The following RARRES1 variants were observed in gnomAD, a reference collection of about 807,000 sequenced individuals.
The protein encoded by RARRES1 is retinoic acid receptor responder 1, also known as retinoic acid receptor responder protein 1.
A neutral mutation model predicts 30.6 loss-of-function variants in RARRES1; 34 were observed. The observed-to-expected ratio is 1.11, with a 90% CI of 0.84 to 1.48. The LOEUF (loss-of-function observed/expected upper bound fraction) is 1.48. Among genes scored for constraint, RARRES1 ranks in the 40% most tolerant of loss-of-function variants. The pLI is 0.00. For missense variants in RARRES1, 373 were observed against 386.5 expected (o/e 0.97, Z 0.29); for synonymous variants, 153 against 155.5 (o/e 0.98, Z 0.12).
At chr3:158,708,696 G>A (rs180691096) in intron 3 of RARRES1, among the ~76,000 whole-genome samples, 182 of 151,446 alleles carry the variant, frequency 1.2e-3, no homozygotes, top group Admixed American at 1.8e-3. Context: ...ACGGAGTTTC[G>A]CTCTGTTGCC....
At chr3:158,719,313 C>T (rs1727423820) in intron 1 of RARRES1, among the ~76,000 whole-genome samples, 2 of 148,594 alleles carry the variant, frequency 1.3e-5, no homozygotes, top group African/African-American at 5.0e-5. Context: ...ACTCTGTCAC[C>T]CAGGCTGGAG....
chr3:158,717,032 C>T (rs567683363), intron 1 of RARRES1, among the ~76,000 whole-genome samples: 2 of 152,348 alleles, frequency 1.3e-5, no homozygotes, highest in African/African-American at 4.8e-5. Flanking sequence ...GAGCCCCGTG[C>T]TGTTTTGCTC....
At chr3:158,704,993 G>T (rs1726869098) in intron 3 of RARRES1, 66 bp from the exon 4 acceptor site, 2 of 1,564,056 alleles carry the variant, frequency 1.3e-6, no homozygotes, top group Non-Finnish European at 1.7e-6. Context: ...AGAAGTTGCA[G>T]AAATGAAATA....
intron 1 of RARRES1, among the ~76,000 whole-genome samples, chr3:158,729,616 A>G (rs1727806749): frequency 6.6e-6 from 1 of 151,794 alleles, no homozygotes; most frequent in Non-Finnish European, 1.5e-5. Flanking sequence ...TGCCCGGCTA[A>G]TTTCTTTTTG....
chr3:158,709,817 C>G (rs554775255), intron 3 of RARRES1, among the ~76,000 whole-genome samples: 1 of 152,358 alleles, frequency 6.6e-6, no homozygotes, highest in South Asian at 2.1e-4. Context: ...GTCTCAACTG[C>G]TCTCCACACA....
chr3:158,701,213 C>G (rs1451284608), intron 4 of RARRES1, among the ~76,000 whole-genome samples: 1 of 152,078 alleles, frequency 6.6e-6, no homozygotes, highest in Non-Finnish European at 1.5e-5. Context: ...AAGGTACGGG[C>G]TTATCCATTT....
intron 4 of RARRES1, among the ~76,000 whole-genome samples, chr3:158,701,721 C>T (rs189658180): frequency 3.3e-5 from 5 of 152,224 alleles, no homozygotes; most frequent in Admixed American, 3.3e-4. Flanking sequence ...CCTTAGTGGC[C>T]ACTGAATAGC....
chr3:158,715,251 C>G (rs1727287012), intron 1 of RARRES1, among the ~76,000 whole-genome samples: 1 of 152,242 alleles, frequency 6.6e-6, no homozygotes. Context: ...CCCGGCCTTT[C>G]CAGAAACCTG....
In RARRES1 at chr3:158,704,934, G is replaced by C. The variant is rs1236946982; in HGVS notation, c.536-7C>G. 1 of 1,594,970 alleles carries C rather than the reference G, an allele frequency of 6.3e-7. No individual in the cohort carries two copies. The highest frequency in any genetic ancestry group is 1.8e-5 in the Admixed American group (1 of 54,760). ...TCAATATGTCCATGATTATCTGAGAGAGACAAAAAAAGCACATTTGTATTA... is the reference window on the plus strand; with the variant it reads ...TCAATATGTCCATGATTATCTGAGACAGACAAAAAAAGCACATTTGTATTA... On this transcript the variant is annotated splice_region_variant and splice_polypyrimidine_tract_variant and intron_variant, in intron 3 of 5. Transcript: ENST00000237696.
At chr3:158,724,042 G>C (rs1252342049) in intron 1 of RARRES1, among the ~76,000 whole-genome samples, 1 of 152,230 alleles carries the variant, frequency 6.6e-6, no homozygotes, top group Non-Finnish European at 1.5e-5. Flanking sequence ...AGAGTGGAAA[G>C]AAAATTGGCT....
At chr3:158,712,100 C>CG (rs1289598717) in intron 2 of RARRES1, among the ~76,000 whole-genome samples, 1 of 152,192 alleles carries the variant, frequency 6.6e-6, no homozygotes, top group Non-Finnish European at 1.5e-5. Flanking sequence ...CACAGATCAG[C>CG]ACTGGGCCTA....
At chr3:158,730,189 A>G (rs1295878649) in intron 1 of RARRES1, among the ~76,000 whole-genome samples, 1 of 151,398 alleles carries the variant, frequency 6.6e-6, no homozygotes, top group Non-Finnish European at 1.5e-5. Flanking sequence ...GCGTGGTGGC[A>G]CGTGCCTGTA....
intron 1 of RARRES1, among the ~76,000 whole-genome samples, chr3:158,721,983 C>T (rs1047960318): frequency 6.1e-5 from 9 of 148,336 alleles, no homozygotes; most frequent in African/African-American, 2.0e-4. Flanking sequence ...TCCAGCTACT[C>T]GGGAGGCTGA....
At chr3:158,707,127 C>T (rs1490072900) in intron 3 of RARRES1, among the ~76,000 whole-genome samples, 3 of 152,030 alleles carry the variant, frequency 2.0e-5, no homozygotes, top group Non-Finnish European at 1.5e-5. Context: ...CAAGATTGCA[C>T]CACCACACAC....
In RARRES1 at chr3:158,710,854, G is replaced by A; in HGVS notation, c.419C>T (p.Thr140Ile). Residue 140 changes from threonine to isoleucine, a missense_variant, in exon 3 of 6, where the codon ACC becomes ATC. By Grantham distance (89) the Thr-to-Ile change is moderately conservative. Transcript: ENST00000237696. Reference protein sequence around the residue: ...VFFKNQKPRPTINVTCTRLIE... With the variant: ...VFFKNQKPRPIINVTCTRLIE... ...GAGCCGTGTACAAGTTACATTGATGGTTGGTCTGGGTTTCTGATTCTTGAA... is the reference window on the plus strand; with the variant it reads ...GAGCCGTGTACAAGTTACATTGATGATTGGTCTGGGTTTCTGATTCTTGAA... The A allele has an allele frequency of 6.2e-7, 1 of 1,613,600 alleles. No homozygotes were observed. The highest frequency in any genetic ancestry group is 8.5e-7 in the Non-Finnish European group (1 of 1,179,584).
At chr3:158,719,338 C>A (rs1383252963) in intron 1 of RARRES1, among the ~76,000 whole-genome samples, 1 of 148,800 alleles carries the variant, frequency 6.7e-6, no homozygotes, top group Non-Finnish European at 1.5e-5. Context: ...ATGGTGCAAT[C>A]TCAGCTCACT....
chr3:158,725,310 A>G (rs550079308), intron 1 of RARRES1, among the ~76,000 whole-genome samples: 83 of 152,320 alleles, frequency 5.4e-4, no homozygotes, highest in Non-Finnish European at 1.0e-3. Context: ...AGTGTCATAC[A>G]TCTCTGGGGC....
At chr3:158,705,460 A>C (rs912973906) in intron 3 of RARRES1, among the ~76,000 whole-genome samples, 1 of 151,562 alleles carries the variant, frequency 6.6e-6, no homozygotes, top group African/African-American at 2.4e-5. Context: ...TTTTTTTAAG[A>C]GACAGGGTCT....
At chr3:158,709,197 A>G (rs1193622719) in intron 3 of RARRES1, among the ~76,000 whole-genome samples, 1 of 152,192 alleles carries the variant, frequency 6.6e-6, no homozygotes, top group Non-Finnish European at 1.5e-5. Flanking sequence ...GTCCCTATGG[A>G]TATACAGGAC....
Sources: gnomAD v4.1 joint callset for allele counts (sites outside exome capture counted in the v4.1 genomes callset) on GRCh38, gnomAD v4.1.1 for gene constraint, MANE v1.5 for transcripts, NCBI Gene and HGNC (gene_info 2026-07-23, HGNC 2026-07-21) for gene names.